The following ADAMTS5 variants were observed in gnomAD, a reference collection of about 807,000 sequenced individuals.
ADAMTS5 encodes A disintegrin and metalloproteinase with thrombospondin motifs 5.
ADAMTS5 carries 54 observed loss-of-function variants against 81.4 expected under a neutral mutation model. The ratio of observed to expected loss-of-function variants is 0.66; its 90% CI spans 0.53 to 0.83. The LOEUF (loss-of-function observed/expected upper bound fraction) is 0.83, where lower values mean the gene tolerates loss of function less well. Among genes scored for constraint, ADAMTS5 ranks in the 40% least tolerant of loss-of-function variants. The probability of loss-of-function intolerance (pLI) is 0.00; values close to 1 mark genes in which losing one functional copy is unlikely to be tolerated. For synonymous variants in ADAMTS5, 532 were observed against 508.8 expected (o/e 1.05, Z -0.61); for missense variants, 1,194 against 1,229.9 (o/e 0.97, Z 0.44).
At chr21:26,963,003 A>G (rs57127828) in intron 1 of ADAMTS5, among the ~76,000 whole-genome samples, 126 of 152,214 alleles carry the variant, frequency 8.3e-4, no homozygotes, top group African/African-American at 2.9e-3. Context: ...GGGCGCATCT[A>G]TTGAAAATAC....
rs1175982187 is a variant in ADAMTS5 at position 26,923,269 on chromosome 21, C to A, written c.*784G>T. ...GTATGATCACACACACACACGCAAA[C>A]CCTACTTCTACATCTGAAATTATGC... On this transcript the variant is annotated 3_prime_UTR_variant, in exon 8 of 8. Transcript: ENST00000284987. The A allele has an allele frequency of 6.6e-6, 1 of 152,024 alleles. No homozygotes were observed. The highest frequency in any genetic ancestry group is 2.4e-5 in the African/African-American group (1 of 41,394). 9.4% of individuals were successfully genotyped at this position (152,024 alleles called of 1,614,324 possible). A position where few individuals can be genotyped will look rare whatever the true frequency, so the allele number is the denominator to read the frequency against.
rs1717273778 is a variant in ADAMTS5 at position 26,948,259 on chromosome 21, G to C, written c.1238-4712C>G. 1.3e-5 allele frequency among the ~76,000 whole-genome samples: 2 copies of C among 152,100 alleles called. 1 individual carries two copies. Among genetic ancestry groups the C allele is most frequent in the South Asian group, 4.1e-4 (2 of 4,832 alleles). ...GGCTGACTTATAACATTAACCTCAG[G>C]AAGGAAATTGGTTGTTTTTCTAAAC... is the stretch of plus-strand genomic sequence containing the variant. On this transcript the variant is annotated intron_variant, in intron 2 of 7. Transcript: ENST00000284987.
In ADAMTS5 at chr21:26,965,709, G is replaced by T; in HGVS notation, c.683C>A (p.Pro228Gln). The change falls in exon 1 of 8, where the codon CCG becomes CAG. Residue 228 changes from proline to glutamine, a missense_variant. By Grantham distance (76) the Pro-to-Gln change is moderately conservative (BLOSUM62 -1). Transcript: ENST00000284987. ...AHEHAPAHSN[P>Q]SGRAALASQL... Reference sequence around the variant, plus strand: ...CGAGGCCAGTGCTGCGCGTCCGCTCGGGTTGCTGTGCGCCGGAGCATGCTC... The same window carrying T: ...CGAGGCCAGTGCTGCGCGTCCGCTCTGGTTGCTGTGCGCCGGAGCATGCTC... 6.3e-7 allele frequency: 1 copy of T among 1,584,456 alleles called. No homozygotes were observed. Among genetic ancestry groups the T allele is most frequent in the East Asian group, 2.3e-5 (1 of 42,840 alleles).
intron 1 of ADAMTS5, among the ~76,000 whole-genome samples, chr21:26,962,966 C>A (rs1987557582): frequency 6.6e-6 from 1 of 151,822 alleles, no homozygotes; most frequent in Non-Finnish European, 1.5e-5. Flanking sequence ...TTTTTCAACC[C>A]CCTAATTAGT....
chr21:26,942,467 G>A (rs1411155944), intron 3 of ADAMTS5, among the ~76,000 whole-genome samples: 1 of 152,054 alleles, frequency 6.6e-6, no homozygotes, highest in Non-Finnish European at 1.5e-5. Flanking sequence ...TAAATTTTAA[G>A]AGAACATAAA....
chr21:26,933,881 G>T (rs181096113), intron 4 of ADAMTS5, among the ~76,000 whole-genome samples: 10 of 152,176 alleles, frequency 6.6e-5, no homozygotes, highest in African/African-American at 1.2e-4. Context: ...AATCTTGTGG[G>T]TTGAGAGCGA....
In ADAMTS5 at chr21:26,921,328, A is replaced by G. The variant is rs1487258029; in HGVS notation, c.*2725T>C. 1 of 152,104 alleles carries G rather than the reference A, an allele frequency of 6.6e-6. No homozygotes were observed. The highest frequency in any genetic ancestry group is 1.5e-5 in the Non-Finnish European group (1 of 67,930). The allele number at this position is 152,104 out of a possible 1,614,324, so 9.4% of individuals were successfully genotyped here. A position where few individuals can be genotyped will look rare whatever the true frequency, so the allele number is the denominator to read the frequency against. On this transcript the variant is annotated 3_prime_UTR_variant, in exon 8 of 8. Coordinates refer to ENST00000284987, the MANE Select transcript of ADAMTS5 (RefSeq NM_007038.5). ...GGCTTAATTTAAATTTTTCTGATCT[A>G]GAAGAAATAAATGTCATTTTTTCTG...
chr21:26,966,883 T>G lies in ADAMTS5; in HGVS notation c.-492A>C, dbSNP rs1987697954. Among the ~76,000 whole-genome samples the G allele has an allele frequency of 1.3e-5, 2 of 152,044 alleles. No individual in the cohort carries two copies. Among genetic ancestry groups the G allele is most frequent in the Admixed American group, 6.5e-5 (1 of 15,278 alleles). ...CCGGGGCCCACTTCCTTTCTTATTT[T>G]GTGGGTTTCCTTGGCTCTGCTGGGA... On this transcript the variant is annotated 5_prime_UTR_variant, in exon 1 of 8. Transcript: ENST00000284987.
At position 26,924,205 on chromosome 21, in the gene ADAMTS5, T is replaced by C; in HGVS notation, c.2641A>G (p.Thr881Ala). The C allele has an allele frequency of 6.2e-7, 1 of 1,614,228 alleles. No individual in the cohort carries two copies. The highest frequency in any genetic ancestry group is 1.3e-5 in the African/African-American group (1 of 75,062). The change falls in exon 8 of 8, where the codon ACG (threonine) becomes GCG (alanine). Residue 881 changes from threonine to alanine, a missense_variant. Transcript: ENST00000284987. ...GSHTSQPQWV[T>A]GPWLACSRTC... ...CTAGAGCAGGCGAGCCATGGGCCCG[T>C]GACCCACTGCGGCTGCGAAGTGTGT...
intron 2 of ADAMTS5, among the ~76,000 whole-genome samples, chr21:26,946,880 AAG>A (rs1024232949): frequency 2.6e-5 from 4 of 152,144 alleles, no homozygotes; most frequent in African/African-American, 9.7e-5. Flanking sequence ...GAAAAAGAGA[AAG>A]AGTTCTTTTT....
In ADAMTS5 at chr21:26,965,994, C is replaced by T. The variant is rs555492491; in HGVS notation, c.398G>A (p.Arg133Gln). 1.2e-5 allele frequency: 20 copies of T among 1,613,156 alleles called. No individual in the cohort carries two copies. In the South Asian group the frequency reaches 2.1e-4, roughly 17 times the overall value. ...GCGGGGACTACCGTCCACTGTGCCC[C>T]GATAGAAGCAGTGGCTCCGGTGGCG... ...PWRHRSHCFY[R>Q]GTVDGSPRSL... The change falls in exon 1 of 8, where the codon CGG becomes CAG. Residue 133 changes from arginine to glutamine, a missense_variant. By Grantham distance (43) the Arg-to-Gln change is conservative. This residue lies in a region of ADAMTS5 where 498 missense variants were observed against 412.3 expected (regional missense o/e 1.21). Coordinates refer to ENST00000284987, the MANE Select transcript of ADAMTS5 (RefSeq NM_007038.5).
At chr21:26,956,667 T>A (rs913995759) in intron 1 of ADAMTS5, among the ~76,000 whole-genome samples, 14 of 152,144 alleles carry the variant, frequency 9.2e-5, no homozygotes, top group Admixed American at 2.0e-4. Context: ...ACATTTTTTT[T>A]AAAACAAGAT....
At chr21:26,937,533 GGTACAAGCATCTCTACCAA>G (rs1230441913) in intron 3 of ADAMTS5, among the ~76,000 whole-genome samples, 1 of 152,112 alleles carries the variant, frequency 6.6e-6, no homozygotes, top group Non-Finnish European at 1.5e-5. Flanking sequence ...CAACAAAATA[GGTACAAGCATCTCTACCAA>G]ATGGCAGAAT....
At position 26,927,777 on chromosome 21, in the gene ADAMTS5, G is replaced by A. The variant is rs553847526; in HGVS notation, c.2225+2109C>T. ...AGGAGCAAAGGATCCAGAGGTCAGC[G>A]AGAAGACTGCAGTGTTAGTCCAGGC... On this transcript the variant is annotated intron_variant, in intron 7 of 7. Coordinates refer to ENST00000284987, the MANE Select transcript of ADAMTS5 (RefSeq NM_007038.5). 3.9e-5 allele frequency among the ~76,000 whole-genome samples: 6 copies of A among 152,112 alleles called. 1 individual carries two copies. Among genetic ancestry groups the A allele is most frequent in the Admixed American group, 3.3e-4 (5 of 15,270 alleles).
At chr21:26,956,707 A>G (rs1987434206) in intron 1 of ADAMTS5, among the ~76,000 whole-genome samples, 1 of 152,110 alleles carries the variant, frequency 6.6e-6, no homozygotes, top group African/African-American at 2.4e-5. Flanking sequence ...TGGGGTATTT[A>G]TCTTTAAATA....
intron 1 of ADAMTS5, 119 bp from the exon 2 acceptor site, chr21:26,954,990 C>T (rs1218726061): frequency 2.3e-6 from 3 of 1,285,992 alleles, no homozygotes; most frequent in African/African-American, 3.0e-5. Context: ...TCACCTGTTC[C>T]TCTCTGGAAA....
chr21:26,937,891 T>C (rs371477309), intron 3 of ADAMTS5, among the ~76,000 whole-genome samples: 12 of 152,362 alleles, frequency 7.9e-5, no homozygotes, highest in African/African-American at 2.9e-4. Flanking sequence ...ACTTTGACCC[T>C]TCCCTCCTTC....
rs556065032 is a variant in ADAMTS5, at chr21:26,942,916, G to T, written c.1405+464C>A. ...CTTCTAGTCAGTGCAAATCTAGAAA[G>T]CTTCCTCTTCTGGGCTTATGTTGCC... On this transcript the variant is annotated intron_variant, in intron 3 of 7. Transcript: ENST00000284987. Among the ~76,000 whole-genome samples the T allele has an allele frequency of 2.7e-4, 41 of 152,262 alleles. No individual in the cohort carries two copies. The South Asian group carries it at 8.3e-3, about 31-fold the overall frequency.
intron 1 of ADAMTS5, among the ~76,000 whole-genome samples, 168 bp downstream of exon 1, chr21:26,965,120 C>A (rs942680026): frequency 1.3e-5 from 2 of 152,198 alleles, no homozygotes; most frequent in African/African-American, 4.8e-5. Context: ...GCGGGGCTAA[C>A]GTGAATACAG....
Sources: allele counts gnomAD v4.1 joint callset (sites outside exome capture counted in the v4.1 genomes callset), GRCh38; gene constraint gnomAD v4.1.1; regional missense constraint gnomAD v4.1.1; transcripts MANE v1.5; gene names NCBI Gene and HGNC (gene_info 2026-07-23, HGNC 2026-07-21).